PHKA1: variants seen among roughly 807,000 people sequenced by gnomAD.
The protein encoded by PHKA1 is phosphorylase b kinase regulatory subunit alpha, skeletal muscle isoform.
In PHKA1, 60 loss-of-function variants were observed where a neutral mutation model predicts 110.2. The observed-to-expected ratio is 0.54, with a 90% CI of 0.44 to 0.68. The LOEUF (loss-of-function observed/expected upper bound fraction) is 0.68, where lower values mean the gene tolerates loss of function less well. PHKA1 is among the 30% of genes least tolerant of loss of function. PHKA1 has a pLI of 0.00. For synonymous variants in PHKA1, 316 were observed against 333.6 expected, an observed-to-expected ratio of 0.95 and a Z score of 0.58; for missense variants, 801 against 942.5, an observed-to-expected ratio of 0.85 and a Z score of 1.97.
In PHKA1 at chrX:72,581,144, G is replaced by A; in HGVS notation, c.3530C>T (p.Ala1177Val). The change falls in exon 32 of 32, where the codon GCA (alanine) becomes GTA (valine). Residue 1177 changes from alanine to valine, a missense_variant. Ala to Val is a moderately conservative substitution (Grantham distance 64). Coordinates refer to ENST00000373542, the MANE Select transcript of PHKA1 (RefSeq NM_002637.4). ...KTLGADDTMLAKDPASGICTL... is the reference protein window; with the variant it reads ...KTLGADDTMLVKDPASGICTL... The stretch of plus-strand genomic sequence containing the variant: ...ACAGATGCCAGATGCGGGATCCTTT[G>A]CCAACATGGTATCATCTGCGCCAAG... 1 of 1,198,054 alleles carries A rather than the reference G, an allele frequency of 8.3e-7. No homozygotes were observed. The highest frequency in any genetic ancestry group is 1.1e-6 in the Non-Finnish European group (1 of 883,172).
intron 16 of PHKA1, among the ~76,000 whole-genome samples, chrX:72,628,569 TATTCCCATATAAATATATATATATATA>T (rs1273451805): frequency 3.9e-5 from 4 of 102,205 alleles, no homozygotes; most frequent in African/African-American, 1.5e-4. Context: ...TATATATATA[TATTCCCATATAAATATATATATATATA>T]TTTTTTTTTT....
intron 28 of PHKA1, among the ~76,000 whole-genome samples, chrX:72,595,867 G>A (rs1340900831): frequency 1.8e-5 from 2 of 111,707 alleles, no homozygotes; most frequent in Admixed American, 9.5e-5. Flanking sequence ...TGCTGCAGCC[G>A]CTATGGAACA....
At chrX:72,694,689 G>C (rs1556325944) in intron 4 of PHKA1, among the ~76,000 whole-genome samples, 1 of 111,840 alleles carries the variant, frequency 8.9e-6, no homozygotes, top group Admixed American at 9.5e-5. Flanking sequence ...TGTTAAGTCA[G>C]GAATCAATAA....
chrX:72,692,303 A>G (rs782427540), intron 4 of PHKA1, among the ~76,000 whole-genome samples: 25 of 111,767 alleles, frequency 2.2e-4, no homozygotes, highest in African/African-American at 5.8e-4. Context: ...TTGATCTATA[A>G]TTGTACTTTG....
rs1286499942 is a variant in PHKA1, at chrX:72,609,481, T to C, written c.2606+143A>G. 1.5e-5 allele frequency: 8 copies of C among 537,862 alleles called. No homozygotes were observed. The Admixed American group carries it at 2.0e-4, about 13-fold the overall frequency. 44.3% of individuals were successfully genotyped at this position (537,862 alleles called of 1,213,427 possible). On this transcript the variant is annotated intron_variant, in intron 23 of 31. Coordinates refer to ENST00000373542, the MANE Select transcript of PHKA1 (RefSeq NM_002637.4). ...TCCTTCATTTACTCTTGCCCTACCA[T>C]TACCAACATTCTTCCACTAGGTGTC... is the stretch of plus-strand genomic sequence containing the variant.
At chrX:72,661,867 T>C (rs2053564772) in intron 8 of PHKA1, among the ~76,000 whole-genome samples, 1 of 110,122 alleles carries the variant, frequency 9.1e-6, no homozygotes, top group Non-Finnish European at 1.9e-5. Flanking sequence ...AAGTGGAGTG[T>C]CTGAGGGAGA....
chrX:72,584,226 ATG>A, intron 30 of PHKA1, 21 bp downstream of exon 30: 1 of 1,165,437 alleles, frequency 8.6e-7, no homozygotes, highest in South Asian at 1.8e-5. Flanking sequence ...AGTCACATAA[ATG>A]TGCAAGAAAG....
intron 6 of PHKA1, among the ~76,000 whole-genome samples, chrX:72,669,095 T>C (rs1005210355): frequency 8.9e-6 from 1 of 112,239 alleles, no homozygotes; most frequent in African/African-American, 3.2e-5. Flanking sequence ...CCTGCCCCTG[T>C]GGCTTTGATG....
intron 26 of PHKA1, among the ~76,000 whole-genome samples, chrX:72,602,667 A>C: frequency 8.9e-6 from 1 of 112,145 alleles, no homozygotes; most frequent in African/African-American, 3.2e-5. Flanking sequence ...TAGGTACGCA[A>C]TGCCAAATCC....
At chrX:72,645,546 C>T (rs1286286181) in intron 13 of PHKA1, among the ~76,000 whole-genome samples, 1 of 111,952 alleles carries the variant, frequency 8.9e-6, no homozygotes, top group Non-Finnish European at 1.9e-5. Context: ...ATCTTGATTA[C>T]TTCTAACTGA....
At chrX:72,628,882 T>C (rs1556285048) in intron 16 of PHKA1, among the ~76,000 whole-genome samples, 1 of 110,496 alleles carries the variant, frequency 9.1e-6, no homozygotes, top group East Asian at 2.8e-4. Flanking sequence ...CTGCCCAACC[T>C]CCCATATTTT....
intron 16 of PHKA1, among the ~76,000 whole-genome samples, chrX:72,632,972 A>G (rs1199051950): frequency 8.9e-6 from 1 of 112,235 alleles, no homozygotes; most frequent in Non-Finnish European, 1.9e-5. Flanking sequence ...ATCAAGTACC[A>G]AAAATGCTTG....
rs374092431 is a variant in PHKA1 at position 72,711,136 on chromosome X, C to T, written c.237+1643G>A. Among the ~76,000 whole-genome samples the T allele has an allele frequency of 2.4e-4, 26 of 110,558 alleles. No individual in the cohort carries two copies. The East Asian group carries it at 7.2e-3, about 31-fold the overall frequency. On this transcript the variant is annotated intron_variant, in intron 2 of 31. Transcript: ENST00000373542. Reference sequence around the variant, plus strand: ...TCGGCCTCCCAAAGTGCTGGGATTACAGGCGTGAGCCACCGCGCCCGGCCT... The same window carrying T: ...TCGGCCTCCCAAAGTGCTGGGATTATAGGCGTGAGCCACCGCGCCCGGCCT...
intron 28 of PHKA1, among the ~76,000 whole-genome samples, chrX:72,596,463 TA>T (rs1238656110): frequency 1.2e-4 from 13 of 111,660 alleles, no homozygotes; most frequent in African/African-American, 3.9e-4. Context: ...CTTACTATAA[TA>T]AAAAAATTAG....
intron 23 of PHKA1, among the ~76,000 whole-genome samples, chrX:72,606,748 C>T (rs782463261): frequency 1.3e-4 from 14 of 110,616 alleles, no homozygotes; most frequent in African/African-American, 3.3e-4. Flanking sequence ...TATTTTAAAA[C>T]GCACAATTAA....
intron 4 of PHKA1, 50 bp downstream of exon 4, chrX:72,695,658 C>A (rs1250563826): frequency 3.5e-6 from 4 of 1,155,836 alleles, no homozygotes; most frequent in Non-Finnish European, 4.7e-6. Context: ...TTAATTAGTA[C>A]CCCAGACTCC....
chrX:72,679,882 T>C (rs1477201060), intron 5 of PHKA1, among the ~76,000 whole-genome samples: 1 of 111,502 alleles, frequency 9.0e-6, no homozygotes, highest in Non-Finnish European at 1.9e-5. Context: ...AAATAATTGC[T>C]GAAAACTTTT....
chrX:72,707,030 T>C (rs1276179341), intron 2 of PHKA1, among the ~76,000 whole-genome samples: 2 of 111,967 alleles, frequency 1.8e-5, no homozygotes, highest in African/African-American at 6.5e-5. Flanking sequence ...GCATTAATTA[T>C]ACATGTACAT....
chrX:72,583,205 T>C (rs781831423), intron 30 of PHKA1, among the ~76,000 whole-genome samples: 1 of 111,669 alleles, frequency 9.0e-6, no homozygotes, highest in Non-Finnish European at 1.9e-5. Flanking sequence ...ATTTGGAGTA[T>C]AAAGACTTGG....
Sources: allele counts gnomAD v4.1 joint callset (sites outside exome capture counted in the v4.1 genomes callset), GRCh38; gene constraint gnomAD v4.1.1; transcripts MANE v1.5; gene names NCBI Gene and HGNC (gene_info 2026-07-23, HGNC 2026-07-21).